CACNA2D1: variants seen among roughly 807,000 people sequenced by gnomAD.
CACNA2D1 encodes the protein calcium voltage-gated channel auxiliary subunit alpha2delta 1, also known as voltage-dependent calcium channel subunit alpha-2/delta-1.
CACNA2D1 carries 53 observed loss-of-function variants against 171.5 expected under a neutral mutation model. The observed-to-expected ratio is 0.31, with a 90% CI of 0.25 to 0.39. The LOEUF is 0.39. Ranked by LOEUF, CACNA2D1 falls within the 10% of genes least tolerant of loss-of-function variation. The pLI is 1.00. For synonymous variants in CACNA2D1, 442 were observed against 443.1 expected, an observed-to-expected ratio of 1.00 and a Z score of 0.03; for missense variants, 903 against 1,299.8, an observed-to-expected ratio of 0.69 and a Z score of 4.69.
Position 82,263,166 on chromosome 7 carries a change from T to A in CACNA2D1, c.294+71969A>T, listed in dbSNP as rs184256362. 2.6e-3 allele frequency among the ~76,000 whole-genome samples: 374 copies of A among 141,396 alleles called. 1 individual carries two copies. Among genetic ancestry groups the A allele is most frequent in the Non-Finnish European group, 4.8e-3 (320 of 66,560 alleles). The allele number at this position is 141,396 out of a possible 152,430, so 92.8% of individuals were successfully genotyped here. ...GTCACCCAGGCTGGATGGGGTACAG[T>A]GGTGTAATCTCAGCTCACTGCAACC... On this transcript the variant is annotated intron_variant, in intron 3 of 38. Transcript: ENST00000356860.
chr7:82,292,532 T>C (rs1203146808), intron 3 of CACNA2D1, among the ~76,000 whole-genome samples: 1 of 152,204 alleles, frequency 6.6e-6, no homozygotes, highest in Non-Finnish European at 1.5e-5. Context: ...ACTTGATTGA[T>C]AATTTGGATA....
intron 6 of CACNA2D1, among the ~76,000 whole-genome samples, chr7:82,111,884 T>C (rs1211265743): frequency 2.6e-5 from 4 of 152,302 alleles, no homozygotes; most frequent in Non-Finnish European, 5.9e-5. Flanking sequence ...TGATTTACTT[T>C]CTAACATATT....
At chr7:82,298,072 C>T (rs1319713758) in intron 3 of CACNA2D1, among the ~76,000 whole-genome samples, 1 of 151,748 alleles carries the variant, frequency 6.6e-6, no homozygotes, top group Admixed American at 6.6e-5. Context: ...CTCTTCAATA[C>T]AAAAATGTTT....
At chr7:82,067,392 G>A (rs1053549982) in intron 7 of CACNA2D1, among the ~76,000 whole-genome samples, 5 of 152,056 alleles carry the variant, frequency 3.3e-5, no homozygotes, top group South Asian at 2.1e-4. Flanking sequence ...AATCAATTTC[G>A]CTTTTCTGAG....
At chr7:82,000,771 C>CTTTTTTTTTTTTTTTTTTTTTTTTTTT (rs774565705) in intron 18 of CACNA2D1, among the ~76,000 whole-genome samples, 1 of 51,958 alleles carries the variant, frequency 1.9e-5, no homozygotes, top group African/African-American at 6.7e-5. Flanking sequence ...ATTTTTCTTT[C>CTTTTTTTTTTTTTTTTTTTTTTTTTTT]TTTTTTTTTT....
chr7:81,995,087 T>G (rs1034955612), intron 19 of CACNA2D1, 148 bp from the exon 20 acceptor site: 1 of 551,092 alleles, frequency 1.8e-6, no homozygotes, highest in Non-Finnish European at 3.3e-6. Context: ...GTATCTGCAG[T>G]TGTTCTCAGG....
chr7:82,114,125 C>A (rs6968753), intron 6 of CACNA2D1, among the ~76,000 whole-genome samples: 1 of 151,804 alleles, frequency 6.6e-6, no homozygotes, highest in African/African-American at 2.4e-5. Context: ...ACATTGTTTA[C>A]ACAAATTAAT....
At chr7:82,023,035 C>A (rs142766217) in intron 12 of CACNA2D1, among the ~76,000 whole-genome samples, 196 of 151,986 alleles carry the variant, frequency 1.3e-3, no homozygotes, top group African/African-American at 4.6e-3. Flanking sequence ...TATTGCTAAG[C>A]AGTCCCTTGG....
intron 3 of CACNA2D1, among the ~76,000 whole-genome samples, chr7:82,205,260 A>T (rs1799897441): frequency 6.6e-6 from 1 of 152,200 alleles, no homozygotes; most frequent in Non-Finnish European, 1.5e-5. Flanking sequence ...AAGAATATAG[A>T]TTTATATATG....
rs374070810 is a variant in CACNA2D1 at position 81,968,982 on chromosome 7, AAAAT to A, written c.2309-13_2309-10del. The A allele has an allele frequency of 3.4e-5, 49 of 1,444,312 alleles. No individual in the cohort carries two copies. Among genetic ancestry groups the A allele is most frequent in the African/African-American group, 2.8e-4 (20 of 71,458 alleles). The allele number at this position is 1,444,312 out of a possible 1,614,324, so 89.5% of individuals were successfully genotyped here. The stretch of plus-strand genomic sequence containing the variant: ...GGCACCAGGTCCACTTTCTAAAAAA[AAAAT>A]AAATAAATAAAACACCTATCAAGAT... On this transcript the variant is annotated splice_polypyrimidine_tract_variant and intron_variant, in intron 28 of 38. Coordinates refer to ENST00000356860, the MANE Select transcript of CACNA2D1 (RefSeq NM_000722.4).
intron 3 of CACNA2D1, among the ~76,000 whole-genome samples, chr7:82,175,089 A>C (rs1796422259): frequency 6.6e-6 from 1 of 152,044 alleles, no homozygotes; most frequent in Non-Finnish European, 1.5e-5. Flanking sequence ...CAAACATGTA[A>C]GTAACTTGCT....
intron 1 of CACNA2D1, among the ~76,000 whole-genome samples, chr7:82,360,811 A>C (rs1821003576): frequency 6.6e-6 from 1 of 152,206 alleles, no homozygotes; most frequent in African/African-American, 2.4e-5. Context: ...AATATAGCCC[A>C]TAGTGTAATT....
At chr7:82,173,682 T>A (rs893418533) in intron 3 of CACNA2D1, among the ~76,000 whole-genome samples, 21 of 151,128 alleles carry the variant, frequency 1.4e-4, no homozygotes, top group Non-Finnish European at 3.1e-4. Context: ...TCACTTCTGT[T>A]TTGGTCAAAT....
At chr7:82,097,443 TG>T (rs1812026665) in intron 6 of CACNA2D1, among the ~76,000 whole-genome samples, 1 of 150,070 alleles carries the variant, frequency 6.7e-6, no homozygotes, top group Non-Finnish European at 1.5e-5. Context: ...ATATAGAGAG[TG>T]GAAAGAGATT....
chr7:82,292,878 T>C (rs985304688), intron 3 of CACNA2D1, among the ~76,000 whole-genome samples: 55 of 152,232 alleles, frequency 3.6e-4, no homozygotes, highest in African/African-American at 1.3e-3. Context: ...TACAAATATA[T>C]GAGAATCACA....
chr7:82,150,324 T>TCCC lies in CACNA2D1; in HGVS notation c.355-13649_355-13648insGGG, dbSNP rs535840924. ...GTAGCTGGGTTCATCTACTTTTTTT[T>TCCC]TCCCCCCAGTAAGCCATTATTTTGC... On this transcript the variant is annotated intron_variant, in intron 4 of 38. Transcript: ENST00000356860. Among the ~76,000 whole-genome samples the TCCC allele has an allele frequency of 1.9e-3, 271 of 143,326 alleles. 2 individuals are homozygous for TCCC. Among genetic ancestry groups the TCCC allele is most frequent in the African/African-American group, 6.9e-3 (262 of 37,918 alleles). 94.0% of individuals were successfully genotyped at this position (143,326 alleles called of 152,430 possible). A position where few individuals can be genotyped will look rare whatever the true frequency, so the allele number is the denominator to read the frequency against.
At chr7:82,356,441 A>G (rs1820431103) in intron 1 of CACNA2D1, among the ~76,000 whole-genome samples, 1 of 152,102 alleles carries the variant, frequency 6.6e-6, no homozygotes, top group Non-Finnish European at 1.5e-5. Context: ...CAACTTCCCA[A>G]ACTAAAAATA....
rs71093376 is a variant in CACNA2D1, at chr7:82,366,903, C to CTTTTTTTTTTTTTTTTTTTTTTTTTTT, written c.96-17255_96-17254insAAAAAAAAAAAAAAAAAAAAAAAAAAA. On this transcript the variant is annotated intron_variant, in intron 1 of 38. Coordinates refer to ENST00000356860, the MANE Select transcript of CACNA2D1 (RefSeq NM_000722.4). ...CCTGCCAGCATCCACTGGTTTTGAC[C>CTTTTTTTTTTTTTTTTTTTTTTTTTTT]TTTTTTTTTTTTTTTTTTTTTTTGA... is the stretch of plus-strand genomic sequence containing the variant. 3.8e-4 allele frequency among the ~76,000 whole-genome samples: 33 copies of CTTTTTTTTTTTTTTTTTTTTTTTTTTT among 86,970 alleles called. 1 individual carries two copies. Among genetic ancestry groups the CTTTTTTTTTTTTTTTTTTTTTTTTTTT allele is most frequent in the African/African-American group, 5.0e-4 (13 of 25,952 alleles). 57.1% of individuals were successfully genotyped at this position (86,970 alleles called of 152,430 possible).
At chr7:82,238,559 T>G (rs965171337) in intron 3 of CACNA2D1, among the ~76,000 whole-genome samples, 2 of 151,804 alleles carry the variant, frequency 1.3e-5, no homozygotes, top group Admixed American at 1.3e-4. Context: ...TTATTACAAG[T>G]CAAACAATAA....
Sources: gnomAD v4.1 joint callset for allele counts (sites outside exome capture counted in the v4.1 genomes callset) on GRCh38, gnomAD v4.1.1 for gene constraint, MANE v1.5 for transcripts, NCBI Gene and HGNC (gene_info 2026-07-23, HGNC 2026-07-21) for gene names.